PDE8A: variants seen among roughly 807,000 people sequenced by gnomAD.
The protein encoded by PDE8A is high affinity cAMP-specific and IBMX-insensitive 3',5'-cyclic phosphodiesterase 8A.
Under a neutral mutation model 105.0 loss-of-function variants are expected in PDE8A, and 59 were observed. The ratio of observed to expected loss-of-function variants is 0.56; its 90% CI spans 0.46 to 0.70. The LOEUF is 0.70. Ranked by LOEUF, PDE8A falls within the 30% of genes least tolerant of loss-of-function variation. The probability of loss-of-function intolerance (pLI) is 0.00; values close to 1 mark genes in which losing one functional copy is unlikely to be tolerated. For missense variants in PDE8A, 1,014 were observed against 1,045.9 expected (o/e 0.97, Z 0.42); for synonymous variants, 355 against 371.9 (o/e 0.95, Z 0.52).
At chr15:85,093,709 C>T (rs562609937) in intron 8 of PDE8A, among the ~76,000 whole-genome samples, 18 of 152,318 alleles carry the variant, frequency 1.2e-4, no homozygotes, top group South Asian at 6.2e-4. Context: ...TTCCAGCCCC[C>T]GCACTTAGGC....
intron 2 of PDE8A, among the ~76,000 whole-genome samples, chr15:85,065,623 A>G (rs1177574105): frequency 6.6e-6 from 1 of 152,212 alleles, no homozygotes; most frequent in Non-Finnish European, 1.5e-5. Flanking sequence ...AGTTCTTTGC[A>G]TGTATGGTCT....
chr15:85,073,003 A>G (rs2081334267), intron 3 of PDE8A, among the ~76,000 whole-genome samples: 1 of 152,116 alleles, frequency 6.6e-6, no homozygotes, highest in Non-Finnish European at 1.5e-5. Context: ...AGTCCCAGCT[A>G]CTTGAGAGGC....
intron 1 of PDE8A, among the ~76,000 whole-genome samples, chr15:85,000,797 G>A (rs374071964): frequency 6.6e-6 from 1 of 152,194 alleles, no homozygotes; most frequent in Non-Finnish European, 1.5e-5. Context: ...CCACTGTAGA[G>A]CCAGGTAGCT....
At chr15:85,111,304 C>G (rs1417465174) in intron 12 of PDE8A, among the ~76,000 whole-genome samples, 1 of 152,102 alleles carries the variant, frequency 6.6e-6, no homozygotes, top group Non-Finnish European at 1.5e-5. Flanking sequence ...ATCCCAAGAT[C>G]GTGAAAATAT....
At chr15:85,102,080 A>G (rs1051544483) in intron 11 of PDE8A, among the ~76,000 whole-genome samples, 1 of 152,190 alleles carries the variant, frequency 6.6e-6, no homozygotes, top group African/African-American at 2.4e-5. Context: ...GAAACCAGGG[A>G]TGGTAAAGGG....
intron 17 of PDE8A, chr15:85,120,523 G>A (rs768236074): frequency 1.5e-5 from 4 of 269,638 alleles, no homozygotes; most frequent in African/African-American, 2.2e-5. Context: ...TTTTGGTGAT[G>A]GGTCTAGAGA....
chr15:84,981,924 A>AGGGGCGGCCTCGGCACGCCACCCGCC lies in PDE8A; in HGVS notation c.-238_-213dup. On this transcript the variant is annotated 5_prime_UTR_variant, in exon 1 of 22. An upstream open reading frame in the 5' UTR loses its in-frame stop. Coordinates refer to ENST00000394553, the MANE Select transcript of PDE8A (RefSeq NM_002605.3). ...CCTGCCTCAGGAAGGGCATGTTCGG[A>AGGGGCGGCCTCGGCACGCCACCCGCC]GGGGCGGCCTCGGCACGCCACCCGC... The AGGGGCGGCCTCGGCACGCCACCCGCC allele has an allele frequency of 3.9e-6, 1 of 255,672 alleles. No individual in the cohort carries two copies. The highest frequency in any genetic ancestry group is 7.7e-5 in the East Asian group (1 of 12,968). 15.8% of individuals were successfully genotyped at this position (255,672 alleles called of 1,614,324 possible).
intron 3 of PDE8A, among the ~76,000 whole-genome samples, chr15:85,068,056 T>TC (rs2081257695): frequency 6.6e-6 from 1 of 152,032 alleles, no homozygotes; most frequent in Non-Finnish European, 1.5e-5. Flanking sequence ...TTTTTTTTTT[T>TC]CTTGTGACGG....
At chr15:84,987,638 A>AT (rs1364540153) in intron 1 of PDE8A, among the ~76,000 whole-genome samples, 43 of 147,928 alleles carry the variant, frequency 2.9e-4, no homozygotes, top group African/African-American at 4.2e-4. Flanking sequence ...TGCCCGGCTA[A>AT]TTTTTTTTTT....
At chr15:85,001,317 T>G (rs2080063707) in intron 1 of PDE8A, among the ~76,000 whole-genome samples, 1 of 152,180 alleles carries the variant, frequency 6.6e-6, no homozygotes, top group South Asian at 2.1e-4. Flanking sequence ...GTTAAAAGAT[T>G]TTATGTCTGG....
intron 1 of PDE8A, among the ~76,000 whole-genome samples, chr15:85,031,195 T>C (rs2080609487): frequency 6.6e-6 from 1 of 152,176 alleles, no homozygotes; most frequent in South Asian, 2.1e-4. Context: ...CCCATCACAT[T>C]TCTTATTTGG....
chr15:85,008,539 C>T (rs986752098), intron 1 of PDE8A, among the ~76,000 whole-genome samples: 7 of 152,024 alleles, frequency 4.6e-5, no homozygotes, highest in African/African-American at 1.7e-4. Flanking sequence ...GACCCTGTGG[C>T]TGTGGACACA....
At chr15:85,004,393 A>G (rs939511148) in intron 1 of PDE8A, among the ~76,000 whole-genome samples, 3 of 152,170 alleles carry the variant, frequency 2.0e-5, no homozygotes, top group African/African-American at 7.2e-5. Context: ...CAATCAGACT[A>G]TGGAGTGGTT....
intron 1 of PDE8A, among the ~76,000 whole-genome samples, chr15:85,053,442 C>T (rs2081008069): frequency 6.6e-6 from 1 of 152,186 alleles, no homozygotes; most frequent in African/African-American, 2.4e-5. Flanking sequence ...ATTGATTCTT[C>T]CTATCTGTGA....
At chr15:85,029,591 T>TTTGTA in intron 1 of PDE8A, among the ~76,000 whole-genome samples, 1 of 152,192 alleles carries the variant, frequency 6.6e-6, no homozygotes, top group African/African-American at 2.4e-5. Flanking sequence ...CTTTTCTACA[T>TTTGTA]GAATTTGTAT....
At chr15:85,079,773 C>T (rs889346806) in intron 5 of PDE8A, among the ~76,000 whole-genome samples, 2 of 152,164 alleles carry the variant, frequency 1.3e-5, no homozygotes, top group African/African-American at 4.8e-5. Context: ...ATTACCCGGG[C>T]ATGGTGGCGC....
chr15:85,091,153 C>A lies in PDE8A; in HGVS notation c.824C>A (p.Thr275Asn). ...GAAAAAAAGGCTGACTTGCTCGATA[C>A]TATAAATTCATGCATCAGGATAGGC... ...INEKKADLLD[T>N]INSCIRIGKE... The change falls in exon 8 of 22, where the codon ACT becomes AAT. Residue 275 changes from threonine (T) to asparagine (N), a missense_variant. Transcript: ENST00000394553. The A allele has an allele frequency of 6.2e-7, 1 of 1,612,380 alleles. No homozygotes were observed. Among genetic ancestry groups the A allele is most frequent in the Non-Finnish European group, 8.5e-7 (1 of 1,179,372 alleles).
At chr15:85,077,642 A>G (rs892807889) in intron 5 of PDE8A, among the ~76,000 whole-genome samples, 1 of 152,208 alleles carries the variant, frequency 6.6e-6, no homozygotes, top group Non-Finnish European at 1.5e-5. Context: ...GTGACAGGGC[A>G]TCCCAAGGAA....
At position 85,016,721 on chromosome 15, in the gene PDE8A, A is replaced by G. The variant is rs192006735; in HGVS notation, c.186+34373A>G. ...GGTTTTTTCTTTTTATTGAGGTTGT[A>G]TTATATTTACAAATTAGTATAGGGA... On this transcript the variant is annotated intron_variant, in intron 1 of 21. Transcript: ENST00000394553. Among the ~76,000 whole-genome samples the G allele has an allele frequency of 8.5e-5, 13 of 152,260 alleles. No individual in the cohort carries two copies. The East Asian group carries it at 2.3e-3, about 27-fold the overall frequency.
Sources: allele counts gnomAD v4.1 joint callset (sites outside exome capture counted in the v4.1 genomes callset), GRCh38; gene constraint gnomAD v4.1.1; transcripts MANE v1.5; gene names NCBI Gene and HGNC (gene_info 2026-07-23, HGNC 2026-07-21).